Variants in ARIH1 observed in about 807,000 individuals in gnomAD.
ARIH1 encodes ariadne RBR E3 ubiquitin protein ligase 1.
In ARIH1, 8 loss-of-function variants were observed where a neutral mutation model predicts 85.0. The observed-to-expected ratio is 0.09, with a 90% CI of 0.06 to 0.17. ARIH1 has a LOEUF of 0.17. ARIH1 is among the 10% of genes least tolerant of loss of function. The pLI is 1.00. For missense variants in ARIH1, 311 were observed against 718.1 expected (o/e 0.43, Z 6.48); for synonymous variants, 238 against 253.6 (o/e 0.94, Z 0.59).
Position 72,498,961 on chromosome 15 carries a change from A to ATTTTT in ARIH1, c.376-19073_376-19069dup, listed in dbSNP as rs535261674. ...TTATGTCGTTTGCACCTTTTCATAA[A>ATTTTT]TTTTTTTTTTTTTTTTTTTTTTTTT... On this transcript the variant is annotated intron_variant, in intron 1 of 13. Coordinates refer to ENST00000379887, the MANE Select transcript of ARIH1 (RefSeq NM_005744.5). 1.7e-4 allele frequency among the ~76,000 whole-genome samples: 15 copies of ATTTTT among 88,430 alleles called. 1 individual carries two copies. The highest frequency in any genetic ancestry group is 3.7e-4 in the African/African-American group (8 of 21,448). 58.0% of individuals were successfully genotyped at this position (88,430 alleles called of 152,430 possible).
At chr15:72,479,170 A>G (rs1171774943) in intron 1 of ARIH1, among the ~76,000 whole-genome samples, 1 of 152,154 alleles carries the variant, frequency 6.6e-6, no homozygotes, top group East Asian at 1.9e-4. Flanking sequence ...TGCTCACTGC[A>G]GCATTTTGGA....
At chr15:72,504,489 G>C (rs1299036606) in intron 1 of ARIH1, among the ~76,000 whole-genome samples, 2 of 152,244 alleles carry the variant, frequency 1.3e-5, no homozygotes, top group South Asian at 2.1e-4. Context: ...ATGGCTCTTA[G>C]CAGAGAGGGG....
In ARIH1 at chr15:72,592,525, AAT is replaced by A. The variant is rs1436107643; in HGVS notation, c.*9236_*9237del. ...TGTAATAACTACCAAAAGAAGACAT[AAT>A]ATGTTACAATTAACCCAGAAAATTC... On this transcript the variant is annotated 3_prime_UTR_variant, in exon 14 of 14. Transcript: ENST00000379887. 1 of 152,222 alleles carries A rather than the reference AAT, an allele frequency of 6.6e-6. No individual in the cohort carries two copies. The highest frequency in any genetic ancestry group is 2.4e-5 in the African/African-American group (1 of 41,448). The allele number at this position is 152,222 out of a possible 1,614,324, so 9.4% of individuals were successfully genotyped here. A position where few individuals can be genotyped will look rare whatever the true frequency, so the allele number is the denominator to read the frequency against.
chr15:72,542,220 T>G (rs899074327), intron 2 of ARIH1, among the ~76,000 whole-genome samples: 1 of 152,208 alleles, frequency 6.6e-6, no homozygotes, highest in Non-Finnish European at 1.5e-5. Flanking sequence ...TCTTTTAAAG[T>G]GTGATATGAA....
chr15:72,560,819 C>G (rs1052855758), intron 5 of ARIH1, among the ~76,000 whole-genome samples: 6 of 45,332 alleles, frequency 1.3e-4, no homozygotes, highest in African/African-American at 2.4e-4. Context: ...TCATGTCTTT[C>G]TCAGTGGGAA....
At chr15:72,490,435 G>A (rs1401924144) in intron 1 of ARIH1, among the ~76,000 whole-genome samples, 7 of 152,048 alleles carry the variant, frequency 4.6e-5, no homozygotes, top group East Asian at 1.9e-4. Flanking sequence ...TCTCATAGGA[G>A]TGCAAACCCT....
At chr15:72,575,383 T>C (rs2064266046) in intron 11 of ARIH1, among the ~76,000 whole-genome samples, 1 of 151,754 alleles carries the variant, frequency 6.6e-6, no homozygotes, top group African/African-American at 2.4e-5. Flanking sequence ...GAGATCAGAC[T>C]GGGCAACAAC....
At chr15:72,574,199 G>A (rs2064260203) in intron 11 of ARIH1, among the ~76,000 whole-genome samples, 1 of 152,134 alleles carries the variant, frequency 6.6e-6, no homozygotes, top group Non-Finnish European at 1.5e-5. Context: ...CATAGCTTTT[G>A]AGCCAGAGTC....
intron 1 of ARIH1, among the ~76,000 whole-genome samples, chr15:72,487,513 T>C (rs774929656): frequency 1.3e-5 from 2 of 152,204 alleles, no homozygotes; most frequent in Non-Finnish European, 2.9e-5. Context: ...TGGACAGATA[T>C]TTATCTGAAA....
intron 1 of ARIH1, among the ~76,000 whole-genome samples, chr15:72,509,854 T>G (rs2063942213): frequency 6.6e-6 from 1 of 151,796 alleles, no homozygotes. Flanking sequence ...CCCCTCAAAG[T>G]GTTGGGATTA....
intron 1 of ARIH1, among the ~76,000 whole-genome samples, chr15:72,484,858 A>G (rs2140392866): frequency 6.6e-6 from 1 of 151,858 alleles, no homozygotes; most frequent in Middle Eastern, 3.4e-3. Flanking sequence ...CTGGTTCCCC[A>G]TTTTTGCAGT....
At chr15:72,493,504 G>C (rs934722180) in intron 1 of ARIH1, among the ~76,000 whole-genome samples, 1 of 152,132 alleles carries the variant, frequency 6.6e-6, no homozygotes, top group African/African-American at 2.4e-5. Context: ...ATACTGAAGG[G>C]TTGGTGGGTT....
intron 2 of ARIH1, among the ~76,000 whole-genome samples, chr15:72,543,148 T>C (rs1183106370): frequency 1.3e-5 from 2 of 151,992 alleles, no homozygotes; most frequent in East Asian, 3.9e-4. Context: ...TTGGCCAGGC[T>C]GGTTTTGAAC....
At chr15:72,516,705 A>G (rs1046518823) in intron 1 of ARIH1, among the ~76,000 whole-genome samples, 8 of 152,166 alleles carry the variant, frequency 5.3e-5, no homozygotes, top group African/African-American at 1.9e-4. Context: ...GGGAGTATGC[A>G]TGTGTGTAAA....
chr15:72,488,367 G>A lies in ARIH1; in HGVS notation c.375+13353G>A, dbSNP rs557526180. On this transcript the variant is annotated intron_variant, in intron 1 of 13. Transcript: ENST00000379887. ...GTTGGGATTACAGGCATGAGCCACC[G>A]TGCCCAGCTCTCTTTCTCTTCTTAA... Among the ~76,000 whole-genome samples, 65 of 152,130 alleles carry A rather than the reference G, an allele frequency of 4.3e-4. No homozygotes were observed. In the South Asian group the frequency reaches 8.3e-3, roughly 19 times the overall value.
At chr15:72,478,479 T>C (rs2063803108) in intron 1 of ARIH1, among the ~76,000 whole-genome samples, 1 of 152,206 alleles carries the variant, frequency 6.6e-6, no homozygotes, top group African/African-American at 2.4e-5. Flanking sequence ...AGAACCCTGT[T>C]CAATTCTGCA....
intron 2 of ARIH1, among the ~76,000 whole-genome samples, chr15:72,537,005 C>T (rs1173239159): frequency 1.3e-5 from 2 of 152,030 alleles, no homozygotes; most frequent in Non-Finnish European, 2.9e-5. Flanking sequence ...ATAAAAACTA[C>T]ATAGAATACC....
chr15:72,563,470 C>T lies in ARIH1; in HGVS notation c.881C>T (p.Pro294Leu), dbSNP rs1332093999. The change falls in exon 7 of 14, where the codon CCT (proline) becomes CTT (leucine). Residue 294 changes from proline to leucine, a missense_variant. By Grantham distance (98) the Pro-to-Leu change is moderately conservative. Around this residue, in one of 3 missense-constraint regions of ARIH1, gnomAD observed 104 missense variants for 221.4 expected, o/e 0.47. Transcript: ENST00000379887. ...VVKVQYPDAK[P>L]VRCKCGRQFC... ...AAAGTCCAATATCCTGATGCTAAAC[C>T]TGTTCGCTGCAAATGTGGGCGCCAA... The T allele has an allele frequency of 1.2e-6, 2 of 1,614,088 alleles. No individual in the cohort carries two copies. The highest frequency in any genetic ancestry group is 1.7e-6 in the Non-Finnish European group (2 of 1,179,974).
chr15:72,581,995 C>A, intron 12 of ARIH1, 80 bp from the exon 13 acceptor site: 2 of 919,968 alleles, frequency 2.2e-6, no homozygotes, highest in South Asian at 1.5e-5. Flanking sequence ...TGAGAGCAGT[C>A]TGTAGTCAAC....
Sources: allele counts gnomAD v4.1 joint callset (sites outside exome capture counted in the v4.1 genomes callset), GRCh38; gene constraint gnomAD v4.1.1; regional missense constraint gnomAD v4.1.1; transcripts MANE v1.5; gene names NCBI Gene and HGNC (gene_info 2026-07-23, HGNC 2026-07-21).